The following CCDC12 variants were observed in gnomAD, a reference collection of about 807,000 sequenced individuals.
CCDC12 encodes coiled-coil domain containing 12.
Under a neutral mutation model 25.7 loss-of-function variants are expected in CCDC12, and 28 were observed. That is an observed-to-expected ratio of 1.09 (90% CI 0.81 to 1.50). The LOEUF (loss-of-function observed/expected upper bound fraction) is 1.50. Among genes scored for constraint, CCDC12 ranks in the 40% most tolerant of loss-of-function variants. The probability of loss-of-function intolerance (pLI) is 0.00; values close to 1 mark genes in which losing one functional copy is unlikely to be tolerated. For synonymous variants in CCDC12, 75 were observed against 87.7 expected (o/e 0.86, Z 0.81); for missense variants, 198 against 210.0 (o/e 0.94, Z 0.35).
rs141531638 is a variant in CCDC12, at chr3:46,922,279, C to G, written c.375G>C (p.Glu125Asp). 4 of 1,614,276 alleles carry G rather than the reference C, an allele frequency of 2.5e-6. No homozygotes were observed. The highest frequency in any genetic ancestry group is 3.4e-6 in the Non-Finnish European group (4 of 1,180,050). Reference sequence around the variant, plus strand: ...CCCTCTGAGTCCGCTTTTTTAGTTTCTCCAGCTTCTTGGCCACATCTCTCT... The same window carrying G: ...CCCTCTGAGTCCGCTTTTTTAGTTTGTCCAGCTTCTTGGCCACATCTCTCT... ...DLKRDVAKKLEKLKKRTQRAI... is the reference protein window; with the variant it reads ...DLKRDVAKKLDKLKKRTQRAI... Residue 125 changes from glutamate to aspartate, a missense_variant, in exon 6 of 7, where the codon GAG becomes GAC. Transcript: ENST00000683445.
intron 1 of CCDC12, among the ~76,000 whole-genome samples, chr3:46,954,592 G>A (rs953138968): frequency 4.6e-5 from 7 of 152,154 alleles, no homozygotes; most frequent in African/African-American, 1.7e-4. Flanking sequence ...TCTTAAAATG[G>A]GGTGGGTCAA....
chr3:46,970,407 A>C (rs979959746), intron 1 of CCDC12, among the ~76,000 whole-genome samples: 4 of 152,198 alleles, frequency 2.6e-5, no homozygotes, highest in Non-Finnish European at 5.9e-5. Context: ...GATAACAGGC[A>C]TGAGCCACTG....
At chr3:46,981,033 C>T (rs1355811979), upstream of CCDC12, among the ~76,000 whole-genome samples, 2 of 152,232 alleles carry the variant, frequency 1.3e-5, no homozygotes, top group East Asian at 3.8e-4. Context: ...CCTCTTCAGT[C>T]CGCTCAGGTT....
intron 1 of CCDC12, among the ~76,000 whole-genome samples, chr3:46,960,959 G>A (rs999037222): frequency 1.3e-5 from 2 of 151,906 alleles, no homozygotes; most frequent in African/African-American, 4.8e-5. Flanking sequence ...TGGGTTGGGG[G>A]CATGTGGAGG....
At chr3:46,923,530 G>A in intron 4 of CCDC12, 77 bp downstream of exon 4, 2 of 1,494,578 alleles carry the variant, frequency 1.3e-6, no homozygotes, top group South Asian at 1.2e-5. Flanking sequence ...GGAATGGGGG[G>A]CAGAGGGAGA....
At chr3:46,922,166 T>G in intron 6 of CCDC12, 27 bp from the exon 7 acceptor site, 2 of 1,614,150 alleles carry the variant, frequency 1.2e-6, no homozygotes, top group Non-Finnish European at 1.7e-6. Flanking sequence ...ACAGAAGGGG[T>G]GGGGAGGGGC....
Position 46,965,099 on chromosome 3 carries a change from G to A in CCDC12, c.96+11538C>T, listed in dbSNP as rs568836980. The stretch of plus-strand genomic sequence containing the variant: ...CAGAAGACAGCTACTTGGACACTGA[G>A]AGGGAAGCACATCCCATTCACACCC... On this transcript the variant is annotated intron_variant, in intron 1 of 6. Transcript: ENST00000683445. Among the ~76,000 whole-genome samples, 3 of 152,270 alleles carry A rather than the reference G, an allele frequency of 2.0e-5. No homozygotes were observed. The South Asian group carries it at 6.2e-4, about 32-fold the overall frequency.
At chr3:46,950,077 G>A (rs1329298368) in intron 1 of CCDC12, among the ~76,000 whole-genome samples, 1 of 151,362 alleles carries the variant, frequency 6.6e-6, no homozygotes, top group Non-Finnish European at 1.5e-5. Context: ...ACATCTTGCA[G>A]TGTCCCAAGT....
At chr3:46,937,762 A>G (rs925188544) in intron 2 of CCDC12, among the ~76,000 whole-genome samples, 1 of 152,096 alleles carries the variant, frequency 6.6e-6, no homozygotes, top group Non-Finnish European at 1.5e-5. Flanking sequence ...ATCATCCCCA[A>G]TCCCTGGACC....
intron 1 of CCDC12, among the ~76,000 whole-genome samples, chr3:46,955,367 G>A (rs2034258039): frequency 6.6e-6 from 1 of 152,196 alleles, no homozygotes; most frequent in Non-Finnish European, 1.5e-5. Flanking sequence ...AGGGAAGTCA[G>A]GGGCAGGGAA....
intron 2 of CCDC12, among the ~76,000 whole-genome samples, chr3:46,936,234 C>T (rs2033436126): frequency 6.6e-6 from 1 of 152,258 alleles, no homozygotes; most frequent in African/African-American, 2.4e-5. Context: ...CGAGGCTCTA[C>T]AAAGTGGTTC....
At position 46,951,798 on chromosome 3, in the gene CCDC12, A is replaced by AAAAAAAAAAATCCCATATATATATAT; in HGVS notation, c.97-10734_97-10733insATATATATATATGGGATTTTTTTTTT. Among the ~76,000 whole-genome samples the AAAAAAAAAAATCCCATATATATATAT allele has an allele frequency of 2.4e-4, 2 of 8,476 alleles. 1 individual carries two copies. The highest frequency in any genetic ancestry group is 4.9e-4 in the African/African-American group (2 of 4,074). The allele number at this position is 8,476 out of a possible 152,430, so 5.6% of individuals were successfully genotyped here. On this transcript the variant is annotated intron_variant, in intron 1 of 6. Coordinates refer to ENST00000683445, the MANE Select transcript of CCDC12 (RefSeq NM_001277074.2). Reference sequence around the variant, plus strand: ...CCGTCTCAAAAAAAAAAAAAAAAAAAATATATATATATATATATATATATA... The same window carrying AAAAAAAAAAATCCCATATATATATAT: ...CCGTCTCAAAAAAAAAAAAAAAAAAAAAAAAAAAAATCCCATATATATATATATATATATATATATATATATATATA...
intron 3 of CCDC12, 120 bp from the exon 4 acceptor site, chr3:46,923,788 G>T: frequency 1.2e-6 from 1 of 803,224 alleles, no homozygotes; most frequent in Non-Finnish European, 1.8e-6. Flanking sequence ...TCCCACCTCT[G>T]TGTGGCCCGC....
chr3:46,978,460 C>T (rs190876657), upstream of CCDC12, among the ~76,000 whole-genome samples: 19 of 152,110 alleles, frequency 1.2e-4, no homozygotes, highest in East Asian at 2.8e-3. Context: ...AAAACTTCTC[C>T]CCAGCCCCAA....
At chr3:46,970,042 C>A (rs1374049614) in intron 1 of CCDC12, among the ~76,000 whole-genome samples, 2 of 151,738 alleles carry the variant, frequency 1.3e-5, no homozygotes, top group Non-Finnish European at 2.9e-5. Flanking sequence ...GTAGCTGGAA[C>A]TATAAGTGCA....
intron 1 of CCDC12, chr3:46,976,235 G>T: frequency 2.3e-6 from 2 of 874,354 alleles, no homozygotes; most frequent in Non-Finnish European, 2.8e-6. Flanking sequence ...GGACTGGGGA[G>T]TCTGTCTGAC....
At chr3:46,976,318 A>C (rs1452171071) in intron 1 of CCDC12, 2 of 1,249,712 alleles carry the variant, frequency 1.6e-6, no homozygotes, top group East Asian at 8.0e-5. Context: ...TAACCCAACA[A>C]GCATCTGAAC....
rs2034997792 is a variant in CCDC12, at chr3:46,976,509, G to C, written c.96+128C>G. 5 of 1,442,310 alleles carry C rather than the reference G, an allele frequency of 3.5e-6. No homozygotes were observed. The South Asian group carries it at 7.3e-5, about 21-fold the overall frequency. 89.3% of individuals were successfully genotyped at this position (1,442,310 alleles called of 1,614,324 possible). On this transcript the variant is annotated intron_variant, in intron 1 of 6. Coordinates refer to ENST00000683445, the MANE Select transcript of CCDC12 (RefSeq NM_001277074.2). ...GGGAGGGCGCCGTCTTCTCGCGCAT[G>C]CGTTAGCGCCCGCGCATGCGCGCCC...
At chr3:46,971,033 C>G (rs949762632) in intron 1 of CCDC12, among the ~76,000 whole-genome samples, 3 of 152,236 alleles carry the variant, frequency 2.0e-5, no homozygotes, top group African/African-American at 7.2e-5. Flanking sequence ...ACCCCTGCCC[C>G]TGTATCACTG....
Sources: allele counts gnomAD v4.1 joint callset (sites outside exome capture counted in the v4.1 genomes callset), GRCh38; gene constraint gnomAD v4.1.1; transcripts MANE v1.5; gene names NCBI Gene and HGNC (gene_info 2026-07-23, HGNC 2026-07-21).